SEMA5B: variants seen among roughly 807,000 people sequenced by gnomAD.
The protein encoded by SEMA5B is semaphorin-5B.
Under a neutral mutation model 135.0 loss-of-function variants are expected in SEMA5B, and 66 were observed. The observed-to-expected ratio is 0.49, with a 90% CI of 0.40 to 0.60. The LOEUF (loss-of-function observed/expected upper bound fraction) is 0.60. Ranked by LOEUF, SEMA5B falls within the 20% of genes least tolerant of loss-of-function variation. The probability of loss-of-function intolerance (pLI) is 0.00; values close to 1 mark genes in which losing one functional copy is unlikely to be tolerated. For missense variants in SEMA5B, 1,501 were observed against 1,566.3 expected, an observed-to-expected ratio of 0.96 and a Z score of 0.70; for synonymous variants, 690 against 639.5, an observed-to-expected ratio of 1.08 and a Z score of -1.19.
At chr3:122,910,634 C>A (rs1388353558) in intron 22 of SEMA5B, among the ~76,000 whole-genome samples, 1 of 151,890 alleles carries the variant, frequency 6.6e-6, no homozygotes, top group Non-Finnish European at 1.5e-5. Context: ...AACGGTGAAA[C>A]CCCGTCTCTA....
At chr3:122,960,265 A>G (rs751438761) in intron 2 of SEMA5B, among the ~76,000 whole-genome samples, 28 of 152,344 alleles carry the variant, frequency 1.8e-4, no homozygotes, top group East Asian at 1.7e-3. Context: ...AGTTCTCTGT[A>G]ATTCAAAGAG....
At chr3:123,015,674 T>C (rs935141217) in intron 1 of SEMA5B, among the ~76,000 whole-genome samples, 1 of 152,074 alleles carries the variant, frequency 6.6e-6, no homozygotes, top group South Asian at 2.1e-4. Context: ...GAAACAGACT[T>C]CAGAGAAATA....
At chr3:122,913,506 GC>G in intron 16 of SEMA5B, 27 bp downstream of exon 16, 9 of 1,600,438 alleles carry the variant, frequency 5.6e-6, no homozygotes, top group Non-Finnish European at 7.7e-6. Flanking sequence ...CCTACACCGC[GC>G]CCCTGGCCCA....
At position 123,020,672 on chromosome 3, in the gene SEMA5B, C is replaced by A. The variant is rs138619803; in HGVS notation, c.-39+6792G>T. ...GTCAGTGGCTCTCAACCATGGCTGC[C>A]TATTCGAAGCTCAAAAAAATACCAG... On this transcript the variant is annotated intron_variant, in intron 1 of 22. Coordinates refer to ENST00000357599, the MANE Select transcript of SEMA5B (RefSeq NM_001031702.4). Among the ~76,000 whole-genome samples, 84 of 152,324 alleles carry A rather than the reference C, an allele frequency of 5.5e-4. 1 individual carries two copies. Among genetic ancestry groups the A allele is most frequent in the African/African-American group, 2.0e-3 (83 of 41,566 alleles).
Position 122,943,060 on chromosome 3 carries a change from C to T in SEMA5B, c.428+376G>A, listed in dbSNP as rs575201969. Among the ~76,000 whole-genome samples the T allele has an allele frequency of 2.4e-3, 368 of 152,342 alleles. 5 individuals carry two copies. In the South Asian group the frequency reaches 0.024, roughly 10 times the overall value. On this transcript the variant is annotated intron_variant, in intron 4 of 22. Coordinates refer to ENST00000357599, the MANE Select transcript of SEMA5B (RefSeq NM_001031702.4). ...GTCCCAGGTGCAGGCCGCCGGCTGG[C>T]CGGCAGGGGGCCCCTGGGCACCTTC... is the stretch of plus-strand genomic sequence containing the variant.
At chr3:122,994,305 G>A (rs1576397810) in intron 1 of SEMA5B, among the ~76,000 whole-genome samples, 1 of 152,216 alleles carries the variant, frequency 6.6e-6, no homozygotes, top group Non-Finnish European at 1.5e-5. Flanking sequence ...TTAGCCACCT[G>A]TAGGTCTGAA....
chr3:122,951,979 A>G (rs1407540173), intron 2 of SEMA5B, among the ~76,000 whole-genome samples: 1 of 152,226 alleles, frequency 6.6e-6, no homozygotes, highest in Non-Finnish European at 1.5e-5. Context: ...CAAGCCTCCA[A>G]GGAAATAACA....
At chr3:123,023,463 C>A (rs1007814813) in intron 1 of SEMA5B, among the ~76,000 whole-genome samples, 8 of 152,186 alleles carry the variant, frequency 5.3e-5, no homozygotes, top group African/African-American at 1.4e-4. Flanking sequence ...TCCCTCCAAG[C>A]ACTTGTGCAT....
intron 1 of SEMA5B, among the ~76,000 whole-genome samples, chr3:123,010,537 G>T (rs992480884): frequency 6.6e-5 from 10 of 152,138 alleles, no homozygotes; most frequent in Non-Finnish European, 1.3e-4. Flanking sequence ...TCGGCTGGAC[G>T]CAGTGCCTCA....
At chr3:123,000,432 G>A (rs554975250) in intron 1 of SEMA5B, among the ~76,000 whole-genome samples, 1 of 152,276 alleles carries the variant, frequency 6.6e-6, no homozygotes, top group East Asian at 1.9e-4. Context: ...GGCCAAAGGG[G>A]TGGCCTTGGA....
chr3:122,960,456 G>A (rs1940525434), intron 2 of SEMA5B, among the ~76,000 whole-genome samples: 1 of 152,174 alleles, frequency 6.6e-6, no homozygotes, highest in Admixed American at 6.5e-5. Flanking sequence ...ATATGATCCA[G>A]CAATTCCACT....
chr3:123,025,368 C>T (rs767798398), intron 1 of SEMA5B, among the ~76,000 whole-genome samples: 8 of 152,212 alleles, frequency 5.3e-5, no homozygotes, highest in Non-Finnish European at 8.8e-5. Context: ...TGTTCTCCCT[C>T]CCCAAACACA....
At chr3:122,982,225 G>A (rs540814653) in intron 1 of SEMA5B, among the ~76,000 whole-genome samples, 1 of 152,348 alleles carries the variant, frequency 6.6e-6, no homozygotes, top group South Asian at 2.1e-4. Context: ...TTCCTCTAGT[G>A]AGGGCATAGT....
At chr3:122,943,989 C>G (rs753779097) in intron 3 of SEMA5B, among the ~76,000 whole-genome samples, 1 of 152,250 alleles carries the variant, frequency 6.6e-6, no homozygotes, top group East Asian at 1.9e-4. Flanking sequence ...GCCTGCCCCT[C>G]GAGTCCTTTT....
intron 8 of SEMA5B, 113 bp downstream of exon 8, chr3:122,927,677 A>C (rs949712637): frequency 7.1e-6 from 5 of 708,938 alleles, no homozygotes; most frequent in Non-Finnish European, 1.0e-5. Context: ...TTGATGAGGC[A>C]AGTGGGAGCA....
chr3:122,910,626 C>T (rs375145931), intron 22 of SEMA5B, among the ~76,000 whole-genome samples: 16 of 151,962 alleles, frequency 1.1e-4, no homozygotes, highest in East Asian at 9.7e-4. Flanking sequence ...CGGCTAAAAA[C>T]GGTGAAACCC....
At position 122,943,035 on chromosome 3, in the gene SEMA5B, G is replaced by A. The variant is rs114965790; in HGVS notation, c.428+401C>T. Among the ~76,000 whole-genome samples, 710 of 152,324 alleles carry A rather than the reference G, an allele frequency of 4.7e-3. 8 individuals carry two copies. Among genetic ancestry groups the A allele is most frequent in the African/African-American group, 0.016 (671 of 41,576 alleles). On this transcript the variant is annotated intron_variant, in intron 4 of 22. Transcript: ENST00000357599. The stretch of plus-strand genomic sequence containing the variant: ...GGAAAGGTTCTACCCCTACCCAGCC[G>A]TCCCAGGTGCAGGCCGCCGGCTGGC...
At position 122,923,619 on chromosome 3, in the gene SEMA5B, G is replaced by A. The variant is rs1414528723; in HGVS notation, c.1270C>T (p.Gln424Ter). 6.2e-7 allele frequency: 1 copy of A among 1,614,060 alleles called. No individual in the cohort carries two copies. Among genetic ancestry groups the A allele is most frequent in the Admixed American group, 1.7e-5 (1 of 60,022 alleles). Reference sequence around the variant, plus strand: ...GGAAAGAGGAGGAGATTCTGTACCTGGAAATTGGGGATGGGGTTGGCTATG... The same window carrying A: ...GGAAAGAGGAGGAGATTCTGTACCTAGAAATTGGGGATGGGGTTGGCTATG... ...LPIANPIPNF[Q>*]CGTLPETGPN... is the part of the protein sequence containing the mutation. The change falls in exon 10 of 23, where the codon CAG becomes TAG. Residue 424 changes from glutamine to a stop codon, truncating the protein, a stop_gained and splice_region_variant. Transcript: ENST00000357599. LOFTEE classifies it high-confidence loss of function.
chr3:122,948,731 T>A, intron 2 of SEMA5B, 22 bp from the exon 3 acceptor site: 1 of 1,562,364 alleles, frequency 6.4e-7, no homozygotes. Context: ...ACACTCAGTC[T>A]CACCAAGCGC....
Sources: gnomAD v4.1 joint callset for allele counts (sites outside exome capture counted in the v4.1 genomes callset) on GRCh38, gnomAD v4.1.1 for gene constraint, MANE v1.5 for transcripts, NCBI Gene and HGNC (gene_info 2026-07-23, HGNC 2026-07-21) for gene names.